NEDD4L: variants seen among roughly 807,000 people sequenced by gnomAD.
The protein encoded by NEDD4L is E3 ubiquitin-protein ligase NEDD4-like.
In NEDD4L, 54 loss-of-function variants were observed where a neutral mutation model predicts 148.9. The observed-to-expected ratio is 0.36, with a 90% CI of 0.29 to 0.45. The LOEUF (loss-of-function observed/expected upper bound fraction) is 0.45. Ranked by LOEUF, NEDD4L falls within the 20% of genes least tolerant of loss-of-function variation. The pLI is 1.00. For synonymous variants in NEDD4L, 433 were observed against 440.7 expected, an observed-to-expected ratio of 0.98 and a Z score of 0.22; for missense variants, 856 against 1,233.8, an observed-to-expected ratio of 0.69 and a Z score of 4.59.
chr18:58,195,025 C>G (rs1434242510), intron 2 of NEDD4L, among the ~76,000 whole-genome samples: 1 of 152,214 alleles, frequency 6.6e-6, no homozygotes, highest in African/African-American at 2.4e-5. Flanking sequence ...GATGAAAATA[C>G]AGGCTCATGC....
Position 58,256,828 on chromosome 18 carries a change from T to C in NEDD4L, c.297+4774T>C. ...TACTGATTTCAACTTCGATGCTTACTCTGCGGCGTAACCAAAATAAAACCT... is the reference window on the plus strand; with the variant it reads ...TACTGATTTCAACTTCGATGCTTACCCTGCGGCGTAACCAAAATAAAACCT... On this transcript the variant is annotated intron_variant, in intron 5 of 30. Coordinates refer to ENST00000400345, the MANE Select transcript of NEDD4L (RefSeq NM_001144967.3). The surrounding 1 kb of genome is among the most constrained non-coding windows in gnomAD (Gnocchi z 5.2). The C allele has an allele frequency of 8.2e-7, 1 of 1,221,264 alleles. No homozygotes were observed. Among genetic ancestry groups the C allele is most frequent in the Non-Finnish European group, 1.0e-6 (1 of 978,472 alleles). The allele number at this position is 1,221,264 out of a possible 1,614,324, so 75.7% of individuals were successfully genotyped here.
chr18:58,255,605 C>A, intron 5 of NEDD4L: 4 of 1,232,370 alleles, frequency 3.2e-6, no homozygotes, highest in Non-Finnish European at 4.0e-6. Context: ...CCTGTTGTTG[C>A]CGCTTGCCCT....
intron 1 of NEDD4L, among the ~76,000 whole-genome samples, chr18:58,104,345 G>A (rs1365565490): frequency 1.3e-5 from 2 of 152,202 alleles, no homozygotes; most frequent in African/African-American, 4.8e-5. Context: ...GCGCGGTAGG[G>A]AAATGAGGAA....
At chr18:58,049,996 AAAAG>A (rs1377104859) in intron 1 of NEDD4L, among the ~76,000 whole-genome samples, 5 of 147,776 alleles carry the variant, frequency 3.4e-5, no homozygotes, top group South Asian at 2.1e-4. Context: ...AAAAAAAAAA[AAAAG>A]ACTAATGAAT....
intron 11 of NEDD4L, among the ~76,000 whole-genome samples, chr18:58,332,543 G>C (rs560842673): frequency 2.4e-4 from 36 of 152,168 alleles, no homozygotes; most frequent in Non-Finnish European, 4.0e-4. Context: ...AGTTACTCAG[G>C]AGGCCAAGGC....
intron 18 of NEDD4L, chr18:58,351,288 T>G: frequency 1.8e-6 from 1 of 552,654 alleles, no homozygotes; most frequent in South Asian, 7.8e-5. Flanking sequence ...TGTTTTTTTT[T>G]GTTGTTGAAT....
chr18:58,238,026 A>T (rs1225450721), intron 2 of NEDD4L, among the ~76,000 whole-genome samples: 1 of 152,264 alleles, frequency 6.6e-6, no homozygotes, highest in Non-Finnish European at 1.5e-5. Context: ...CGGCAGCTTC[A>T]GAGACTATGC....
intron 1 of NEDD4L, among the ~76,000 whole-genome samples, chr18:58,086,339 C>A (rs145740771): frequency 6.6e-6 from 1 of 152,028 alleles, no homozygotes; most frequent in Admixed American, 6.5e-5. Flanking sequence ...GGAAGAATTC[C>A]TAAGAAACTA....
At chr18:58,090,613 G>A (rs1037761738) in intron 1 of NEDD4L, among the ~76,000 whole-genome samples, 1 of 152,148 alleles carries the variant, frequency 6.6e-6, no homozygotes, top group Admixed American at 6.5e-5. Context: ...AAATAGCTGG[G>A]ACTGCAGGTG....
Position 58,383,380 on chromosome 18 carries a change from GT to G in NEDD4L, c.2426+62del, listed in dbSNP as rs1360421671. 116 of 931,988 alleles carry G rather than the reference GT, an allele frequency of 1.2e-4. No homozygotes were observed. The Middle Eastern group carries it at 1.7e-3, about 14-fold the overall frequency. The allele number at this position is 931,988 out of a possible 1,614,324, so 57.7% of individuals were successfully genotyped here. Reference sequence around the variant, plus strand: ...TAATTGAAATGCATGTTTGGTCACTGTCCCTTGCTGAAACAGCTCATGCATT... The same window carrying G: ...TAATTGAAATGCATGTTTGGTCACTGCCCTTGCTGAAACAGCTCATGCATT... On this transcript the variant is annotated intron_variant, in intron 25 of 30. Transcript: ENST00000400345.
intron 24 of NEDD4L, among the ~76,000 whole-genome samples, chr18:58,382,054 A>G (rs2146657153): frequency 6.6e-6 from 1 of 152,384 alleles, no homozygotes; most frequent in Middle Eastern, 3.4e-3. Context: ...AGAAATGGAA[A>G]GCATAGTGGA....
intron 5 of NEDD4L, among the ~76,000 whole-genome samples, chr18:58,264,003 T>C (rs1291326692): frequency 6.6e-6 from 1 of 152,122 alleles, no homozygotes; most frequent in Non-Finnish European, 1.5e-5. Context: ...TTAAAATGCC[T>C]TAAGCATAGT....
intron 2 of NEDD4L, among the ~76,000 whole-genome samples, chr18:58,181,497 C>T (rs2038861131): frequency 1.3e-5 from 2 of 151,076 alleles, no homozygotes; most frequent in African/African-American, 5.0e-5. Context: ...AGTGGTGCGG[C>T]TGTAGCTCAC....
chr18:58,359,294 CTA>C (rs2045156441), intron 19 of NEDD4L, among the ~76,000 whole-genome samples: 1 of 152,102 alleles, frequency 6.6e-6, no homozygotes, highest in Non-Finnish European at 1.5e-5. Flanking sequence ...AGAGTACTCT[CTA>C]TTTTATTTTC....
intron 24 of NEDD4L, among the ~76,000 whole-genome samples, chr18:58,375,135 C>A (rs148970497): frequency 1.2e-3 from 183 of 152,194 alleles, no homozygotes; most frequent in African/African-American, 4.2e-3. Context: ...ATGCCATCTC[C>A]CCTCCTCATG....
chr18:58,150,372 C>T lies in NEDD4L; in HGVS notation c.49-15416C>T, dbSNP rs914868774. Among the ~76,000 whole-genome samples, 3 of 152,306 alleles carry T rather than the reference C, an allele frequency of 2.0e-5. No homozygotes were observed. In the East Asian group the frequency reaches 5.8e-4, roughly 29 times the overall value. ...GCCTCAGCCTCCTGAGTAGCTGGGACTACAGGCATGCGCCACCACACCTGA... is the reference window on the plus strand; with the variant it reads ...GCCTCAGCCTCCTGAGTAGCTGGGATTACAGGCATGCGCCACCACACCTGA... On this transcript the variant is annotated intron_variant, in intron 1 of 30. Transcript: ENST00000400345.
chr18:58,387,181 C>T (rs1421930065), intron 26 of NEDD4L, among the ~76,000 whole-genome samples: 2 of 152,246 alleles, frequency 1.3e-5, no homozygotes, highest in Non-Finnish European at 2.9e-5. Context: ...ACCCTGCCTA[C>T]AGTATCCCAT....
chr18:58,193,120 CATTTT>C (rs1242932307), intron 2 of NEDD4L, among the ~76,000 whole-genome samples: 2 of 152,086 alleles, frequency 1.3e-5, no homozygotes, highest in Non-Finnish European at 2.9e-5. Context: ...TGATTTGAGT[CATTTT>C]ATTTAGGAGC....
At chr18:58,188,967 T>A (rs1467789468) in intron 2 of NEDD4L, among the ~76,000 whole-genome samples, 1 of 152,070 alleles carries the variant, frequency 6.6e-6, no homozygotes, top group Non-Finnish European at 1.5e-5. Flanking sequence ...GGCCACTTTG[T>A]CATGAGCAGG....
Sources: allele counts gnomAD v4.1 joint callset (sites outside exome capture counted in the v4.1 genomes callset), GRCh38; gene constraint gnomAD v4.1.1; non-coding constraint Gnocchi (gnomAD v3.1); transcripts MANE v1.5; gene names NCBI Gene and HGNC (gene_info 2026-07-23, HGNC 2026-07-21).